Variants in CD109 observed in about 807,000 individuals in gnomAD.
CD109 encodes CD109 antigen.
In CD109, 149 loss-of-function variants were observed where a neutral mutation model predicts 165.8. The ratio of observed to expected loss-of-function variants is 0.90; its 90% CI spans 0.79 to 1.03. The LOEUF (loss-of-function observed/expected upper bound fraction) is 1.03, where lower values mean the gene tolerates loss of function less well. Ranked by LOEUF, CD109 falls within the 50% of genes least tolerant of loss-of-function variation. The pLI is 0.00. For synonymous variants in CD109, 585 were observed against 592.1 expected, an observed-to-expected ratio of 0.99 and a Z score of 0.18; for missense variants, 1,712 against 1,677.8, an observed-to-expected ratio of 1.02 and a Z score of -0.36.
At chr6:73,696,712 G>C (rs1488859344) in intron 1 of CD109, among the ~76,000 whole-genome samples, 4 of 152,118 alleles carry the variant, frequency 2.6e-5, no homozygotes, top group Non-Finnish European at 5.9e-5. Flanking sequence ...TATGGGTTCA[G>C]GGGCAGACAT....
chr6:73,820,453 T>C lies in CD109; in HGVS notation c.4060-8T>C. 1 of 1,535,588 alleles carries C rather than the reference T, an allele frequency of 6.5e-7. No individual in the cohort carries two copies. Among genetic ancestry groups the C allele is most frequent in the South Asian group, 1.1e-5 (1 of 88,102 alleles). On this transcript the variant is annotated splice_region_variant and splice_polypyrimidine_tract_variant and intron_variant, in intron 31 of 32. Transcript: ENST00000287097. The stretch of plus-strand genomic sequence containing the variant: ...CCAACCCCTTAAGACTCTTTTGTAT[T>C]TCTCAAGGTAAATGAAACCCAGTTT...
At chr6:73,715,565 C>CAA (rs61331986) in intron 2 of CD109, among the ~76,000 whole-genome samples, 3,207 of 70,984 alleles carry the variant, frequency 0.045, 84 homozygotes, top group Non-Finnish European at 0.081. Flanking sequence ...ACCCTGTCTC[C>CAA]AAAAAAAAAA....
chr6:73,738,187 A>G (rs1772619171), intron 5 of CD109, among the ~76,000 whole-genome samples: 1 of 152,240 alleles, frequency 6.6e-6, no homozygotes. Context: ...GTTTATTGTT[A>G]GCACAAGCAC....
At chr6:73,791,555 CT>C (rs143417286) in intron 22 of CD109, among the ~76,000 whole-genome samples, 3,270 of 151,910 alleles carry the variant, frequency 0.022, 131 homozygotes, top group African/African-American at 0.075. Context: ...ACGATTCTGT[CT>C]GTCGTCATGG....
intron 2 of CD109, among the ~76,000 whole-genome samples, chr6:73,706,008 A>G (rs976880529): frequency 6.6e-6 from 1 of 152,154 alleles, no homozygotes; most frequent in Non-Finnish European, 1.5e-5. Flanking sequence ...CCTGGGTTAG[A>G]AGTGGTGAGA....
At chr6:73,750,517 T>C (rs1188340575) in intron 5 of CD109, among the ~76,000 whole-genome samples, 1 of 152,162 alleles carries the variant, frequency 6.6e-6, no homozygotes, top group Non-Finnish European at 1.5e-5. Context: ...CAACCTGGCA[T>C]ACCGAGCATC....
intron 27 of CD109, 110 bp downstream of exon 27, chr6:73,810,284 T>C: frequency 3.2e-6 from 1 of 314,680 alleles, no homozygotes; most frequent in Non-Finnish European, 5.0e-6. Flanking sequence ...TCATATGTTA[T>C]ATATAAAAAA....
intron 10 of CD109, among the ~76,000 whole-genome samples, chr6:73,764,303 C>G (rs1773751446): frequency 6.6e-6 from 1 of 152,100 alleles, no homozygotes; most frequent in Non-Finnish European, 1.5e-5. Flanking sequence ...GCAGGGGTTG[C>G]CAAACTTTTT....
intron 23 of CD109, among the ~76,000 whole-genome samples, chr6:73,796,215 A>C (rs1163487892): frequency 2.0e-5 from 3 of 152,186 alleles, no homozygotes. Context: ...GAAAATGTCA[A>C]GATCCTGTCA....
chr6:73,817,418 CA>C (rs2150308908), intron 30 of CD109, among the ~76,000 whole-genome samples: 1 of 152,210 alleles, frequency 6.6e-6, no homozygotes, highest in African/African-American at 2.4e-5. Flanking sequence ...AGTGCATTGC[CA>C]GCAGATGGTT....
chr6:73,757,085 T>TA (rs1202122842), intron 6 of CD109, among the ~76,000 whole-genome samples: 2 of 152,218 alleles, frequency 1.3e-5, no homozygotes, highest in African/African-American at 4.8e-5. Flanking sequence ...GTGCCATACT[T>TA]ACAATATCTG....
chr6:73,781,816 GACACACAC>G (rs796262663), intron 17 of CD109, among the ~76,000 whole-genome samples: 4 of 62,872 alleles, frequency 6.4e-5, no homozygotes, highest in Non-Finnish European at 1.3e-4. Flanking sequence ...CACACACGCA[GACACACAC>G]ACACACACAC....
intron 5 of CD109, among the ~76,000 whole-genome samples, chr6:73,749,291 C>T (rs1424667307): frequency 6.6e-6 from 1 of 152,152 alleles, no homozygotes; most frequent in Non-Finnish European, 1.5e-5. Flanking sequence ...GTCTCCGTTT[C>T]CTCAGCTGTA....
At chr6:73,740,272 G>A (rs1313322879) in intron 5 of CD109, among the ~76,000 whole-genome samples, 5 of 152,172 alleles carry the variant, frequency 3.3e-5, no homozygotes, top group African/African-American at 7.2e-5. Context: ...AAGAATTACC[G>A]GAGTTATCAG....
chr6:73,757,174 G>A (rs1403931921), intron 6 of CD109, among the ~76,000 whole-genome samples: 1 of 152,202 alleles, frequency 6.6e-6, no homozygotes, highest in Non-Finnish European at 1.5e-5. Flanking sequence ...GAGACTGAAA[G>A]CATAGGATCT....
intron 5 of CD109, among the ~76,000 whole-genome samples, chr6:73,745,694 A>G (rs1176676063): frequency 6.6e-6 from 1 of 152,150 alleles, no homozygotes; most frequent in Non-Finnish European, 1.5e-5. Context: ...CACAGCCTCT[A>G]TAACCTTGGT....
intron 23 of CD109, among the ~76,000 whole-genome samples, chr6:73,800,818 C>T (rs1775335731): frequency 6.6e-6 from 1 of 152,004 alleles, no homozygotes; most frequent in Non-Finnish European, 1.5e-5. Flanking sequence ...TATGTATATA[C>T]ATGTAAGTAA....
chr6:73,805,532 T>C (rs564949352), intron 24 of CD109, among the ~76,000 whole-genome samples: 1 of 152,146 alleles, frequency 6.6e-6, no homozygotes, highest in East Asian at 1.9e-4. Context: ...CAAAGAGGTG[T>C]TCCTTCTGCT....
chr6:73,784,708 G>T (rs1774625152), intron 19 of CD109, among the ~76,000 whole-genome samples: 1 of 152,186 alleles, frequency 6.6e-6, no homozygotes, highest in African/African-American at 2.4e-5. Flanking sequence ...GTAGGACTTG[G>T]CCAACAATAT....
Sources: allele counts gnomAD v4.1 joint callset (sites outside exome capture counted in the v4.1 genomes callset), GRCh38; gene constraint gnomAD v4.1.1; transcripts MANE v1.5; gene names NCBI Gene and HGNC (gene_info 2026-07-23, HGNC 2026-07-21).